PTK2: variants seen among roughly 807,000 people sequenced by gnomAD.
PTK2 encodes protein tyrosine kinase 2.
PTK2 carries 45 observed loss-of-function variants against 150.1 expected under a neutral mutation model. The observed-to-expected ratio is 0.30, with a 90% confidence interval of 0.24 to 0.38. PTK2 has a LOEUF of 0.38. PTK2 is among the 10% of genes least tolerant of loss of function. PTK2 has a pLI of 1.00. For missense variants in PTK2, 919 were observed against 1,307.3 expected, an observed-to-expected ratio of 0.70 and a Z score of 4.58; for synonymous variants, 432 against 449.2, an observed-to-expected ratio of 0.96 and a Z score of 0.48.
intron 1 of PTK2, among the ~76,000 whole-genome samples, chr8:140,978,307 T>G (rs1272512797): frequency 4.8e-5 from 7 of 146,324 alleles, no homozygotes; most frequent in East Asian, 4.1e-4. Context: ...GAAACTATCA[T>G]CAGAGTGAAC....
chr8:140,909,820 T>C (rs1330516186), intron 2 of PTK2, among the ~76,000 whole-genome samples: 4 of 152,206 alleles, frequency 2.6e-5, no homozygotes, highest in Admixed American at 2.6e-4. Flanking sequence ...TACTTAGTCC[T>C]AATCAACATC....
intron 1 of PTK2, among the ~76,000 whole-genome samples, chr8:140,981,202 C>T (rs2100191297): frequency 2.0e-5 from 3 of 151,628 alleles, no homozygotes; most frequent in African/African-American, 7.3e-5. Flanking sequence ...ACATTTTGCC[C>T]TCAGACTTTA....
chr8:140,659,400 C>T lies in PTK2; in HGVS notation c.*66G>A, dbSNP rs371442779. 3.3e-5 allele frequency: 47 copies of T among 1,427,496 alleles called. No individual in the cohort carries two copies. In the East Asian group the frequency reaches 1.0e-3, roughly 30 times the overall value. 88.4% of individuals were successfully genotyped at this position (1,427,496 alleles called of 1,614,324 possible). A position where few individuals can be genotyped will look rare whatever the true frequency, so the allele number is the denominator to read the frequency against. ...GACTGAGGACACAGGGTTAATTCCTCGCTGCTGGTGGAAGGCTAGAGAACA... is the reference window on the plus strand; with the variant it reads ...GACTGAGGACACAGGGTTAATTCCTTGCTGCTGGTGGAAGGCTAGAGAACA... On this transcript the variant is annotated 3_prime_UTR_variant, in exon 32 of 32. Transcript: ENST00000522684.
chr8:140,901,582 T>C (rs778563073), intron 2 of PTK2, among the ~76,000 whole-genome samples: 3 of 151,112 alleles, frequency 2.0e-5, no homozygotes, highest in East Asian at 3.9e-4. Flanking sequence ...ATAGAAGGAG[T>C]TGGAGGTACA....
chr8:140,989,294 T>A lies in PTK2; in HGVS notation c.-122+11831A>T, dbSNP rs772750923. Among the ~76,000 whole-genome samples, 11 of 148,752 alleles carry A rather than the reference T, an allele frequency of 7.4e-5. No homozygotes were observed. In the Middle Eastern group the frequency reaches 0.014, roughly 190 times the overall value. On this transcript the variant is annotated intron_variant, in intron 1 of 31. Transcript: ENST00000522684. Reference sequence around the variant, plus strand: ...CTGTATTCCCAGCTACTCAGGAGGCTGAGGGAGGAGGATTGCTTGAGCCCA... The same window carrying A: ...CTGTATTCCCAGCTACTCAGGAGGCAGAGGGAGGAGGATTGCTTGAGCCCA...
intron 1 of PTK2, chr8:140,983,917 G>T (rs983768181): frequency 6.6e-6 from 1 of 152,334 alleles, no homozygotes; most frequent in Non-Finnish European, 1.5e-5. Flanking sequence ...CACTTTGGGA[G>T]GCCAAGGTGG....
intron 22 of PTK2, chr8:140,734,982 G>T: frequency 2.0e-6 from 1 of 500,952 alleles, no homozygotes; most frequent in Non-Finnish European, 3.6e-6. Flanking sequence ...AAGTTATTAC[G>T]GGTCTTGTAA....
intron 24 of PTK2, among the ~76,000 whole-genome samples, chr8:140,705,614 A>G (rs1453148250): frequency 6.6e-6 from 1 of 152,222 alleles, no homozygotes; most frequent in Non-Finnish European, 1.5e-5. Context: ...GTAAAAGTTA[A>G]TAACTTTTTC....
rs192136557 is a variant in PTK2, at chr8:140,959,209, G to A, written c.-121-33460C>T. 2.4e-3 allele frequency among the ~76,000 whole-genome samples: 366 copies of A among 152,066 alleles called. 2 individuals carry two copies. The highest frequency in any genetic ancestry group is 8.0e-3 in the African/African-American group (330 of 41,490). ...AAAGGCTGGCAATAATTTTTTACCT[G>A]AATGTGGTTACACACACATATATTT... On this transcript the variant is annotated intron_variant, in intron 1 of 31. Coordinates refer to ENST00000522684, the Ensembl canonical transcript of PTK2.
intron 8 of PTK2, among the ~76,000 whole-genome samples, chr8:140,829,139 G>A (rs1362824819): frequency 6.6e-6 from 1 of 152,204 alleles, no homozygotes; most frequent in Non-Finnish European, 1.5e-5. Flanking sequence ...TAGAAAGAGA[G>A]CCTGAAATAA....
intron 10 of PTK2, among the ~76,000 whole-genome samples, chr8:140,812,464 TA>T (rs1391769409): frequency 6.6e-6 from 1 of 152,118 alleles, no homozygotes; most frequent in Non-Finnish European, 1.5e-5. Context: ...AGTGACACTA[TA>T]AAGCAAACAC....
At chr8:140,728,677 G>A (rs1211886648) in intron 22 of PTK2, among the ~76,000 whole-genome samples, 1 of 152,018 alleles carries the variant, frequency 6.6e-6, no homozygotes, top group Non-Finnish European at 1.5e-5. Flanking sequence ...CTGCCACCAC[G>A]CCCGGCTATT....
intron 14 of PTK2, among the ~76,000 whole-genome samples, chr8:140,773,840 A>G (rs1384250653): frequency 4.6e-5 from 7 of 152,206 alleles, no homozygotes; most frequent in Non-Finnish European, 1.0e-4. Flanking sequence ...GATAATGGGT[A>G]AGGCCACTAG....
chr8:140,919,175 T>C (rs2100166452), intron 2 of PTK2, among the ~76,000 whole-genome samples: 1 of 152,212 alleles, frequency 6.6e-6, no homozygotes, highest in Non-Finnish European at 1.5e-5. Flanking sequence ...GCTGCAGCCC[T>C]ACATATGAAA....
At chr8:140,744,565 AGGGTCCAAAGACGGTCCAAAT>A (rs951349220) in intron 19 of PTK2, 66 bp downstream of exon 22, 2 of 724,506 alleles carry the variant, frequency 2.8e-6, no homozygotes, top group African/African-American at 3.5e-5. Context: ...TGGATCCAAA[AGGGTCCAAAGACGGTCCAAAT>A]GGGTCCCTGT....
chr8:140,873,692 T>C (rs1369889925), intron 4 of PTK2, among the ~76,000 whole-genome samples: 4 of 152,132 alleles, frequency 2.6e-5, no homozygotes. Context: ...TCTCGAACTC[T>C]TGACCTCAGG....
intron 1 of PTK2, among the ~76,000 whole-genome samples, chr8:140,930,748 ATGGTATATTTG>A (rs1384397675): frequency 6.6e-6 from 1 of 152,170 alleles, no homozygotes; most frequent in African/African-American, 2.4e-5. Flanking sequence ...ACACACCTGC[ATGGTATATTTG>A]CTGTAAGATT....
chr8:140,792,882 C>A (rs2154581362), intron 13 of PTK2, among the ~76,000 whole-genome samples: 1 of 152,304 alleles, frequency 6.6e-6, no homozygotes, highest in Middle Eastern at 3.4e-3. Context: ...CAGTTCCTAG[C>A]AAATTGGCTG....
chr8:140,978,482 T>G, intron 1 of PTK2, among the ~76,000 whole-genome samples: 1 of 152,214 alleles, frequency 6.6e-6, no homozygotes, highest in Non-Finnish European at 1.5e-5. Context: ...AAAGAAGACA[T>G]TTATGCAGCC....
Sources: gnomAD v4.1 joint callset for allele counts (sites outside exome capture counted in the v4.1 genomes callset) on GRCh38, gnomAD v4.1.1 for gene constraint, MANE v1.5 for transcripts, NCBI Gene and HGNC (gene_info 2026-07-23, HGNC 2026-07-21) for gene names.